The following TRMT11 variants were observed in gnomAD, a reference collection of about 807,000 sequenced individuals.
The protein encoded by TRMT11 is tRNA methyltransferase 11.
A neutral mutation model predicts 62.8 loss-of-function variants in TRMT11; 53 were observed. That is an observed-to-expected ratio of 0.84 (90% CI 0.68 to 1.06). The LOEUF (loss-of-function observed/expected upper bound fraction) is 1.06. TRMT11 is among the 50% of genes least tolerant of loss of function. The pLI is 0.00. For synonymous variants in TRMT11, 188 were observed against 190.3 expected, an observed-to-expected ratio of 0.99 and a Z score of 0.10; for missense variants, 556 against 553.4, an observed-to-expected ratio of 1.00 and a Z score of -0.05.
chr6:126,128,532 C>G (rs909751762), intron 21 of TRMT11, among the ~76,000 whole-genome samples: 12 of 152,064 alleles, frequency 7.9e-5, no homozygotes, highest in African/African-American at 2.9e-4. Flanking sequence ...TGTCCTTGGA[C>G]CACTTACTGT....
At chr6:126,110,262 T>G (rs771698848) in intron 17 of TRMT11, among the ~76,000 whole-genome samples, 17 of 152,140 alleles carry the variant, frequency 1.1e-4, no homozygotes, top group Non-Finnish European at 2.2e-4. Flanking sequence ...ATACATCACT[T>G]GGGCAGTGCT....
chr6:126,236,403 A>C, the TRMT11 span, among the ~76,000 whole-genome samples: 1 of 152,188 alleles, frequency 6.6e-6, no homozygotes, highest in Non-Finnish European at 1.5e-5. Context: ...ATCCTTTATG[A>C]AGTAAGAAAT....
At chr6:126,004,681 T>TA (rs1485034460) in intron 7 of TRMT11, among the ~76,000 whole-genome samples, 2 of 151,846 alleles carry the variant, frequency 1.3e-5, no homozygotes, top group East Asian at 1.9e-4. Context: ...AATAGTTTTT[T>TA]AAAAAAAATT....
chr6:126,131,146 A>C (rs1319015355), intron 21 of TRMT11, among the ~76,000 whole-genome samples: 1 of 152,116 alleles, frequency 6.6e-6, no homozygotes, highest in Non-Finnish European at 1.5e-5. Context: ...ACTTTAAAAA[A>C]ATCTACCACA....
intron 21 of TRMT11, among the ~76,000 whole-genome samples, chr6:126,139,610 C>T (rs1034968825): frequency 4.6e-5 from 7 of 152,192 alleles, no homozygotes; most frequent in African/African-American, 1.4e-4. Flanking sequence ...CTCAAATGAT[C>T]CACCCACCTC....
chr6:126,009,896 G>T (rs1793928121), intron 8 of TRMT11, among the ~76,000 whole-genome samples: 1 of 151,928 alleles, frequency 6.6e-6, no homozygotes, highest in African/African-American at 2.4e-5. Context: ...GTCTACTGGG[G>T]TAGAATTCTG....
intron 17 of TRMT11, among the ~76,000 whole-genome samples, chr6:126,069,100 C>T (rs1369894450): frequency 6.6e-6 from 1 of 152,228 alleles, no homozygotes; most frequent in Non-Finnish European, 1.5e-5. Context: ...CCAAACAATA[C>T]CAAGTCACAG....
chr6:126,097,279 T>G, intron 17 of TRMT11, among the ~76,000 whole-genome samples: 1 of 152,188 alleles, frequency 6.6e-6, no homozygotes, highest in East Asian at 1.9e-4. Flanking sequence ...ACTCTGTTTA[T>G]CAGCATTGTT....
intron 3 of TRMT11, 22 bp downstream of exon 3, chr6:125,996,062 C>T: frequency 6.6e-7 from 1 of 1,509,880 alleles, no homozygotes; most frequent in East Asian, 2.3e-5. Flanking sequence ...TTATGTTCTC[C>T]TGCATGAATA....
intron 17 of TRMT11, among the ~76,000 whole-genome samples, chr6:126,058,212 T>G (rs1267629317): frequency 6.6e-5 from 10 of 152,200 alleles, no homozygotes; most frequent in Non-Finnish European, 2.9e-5. Context: ...GGTGTTTGGT[T>G]TTCTGTTCCT....
intron 1 of TRMT11, among the ~76,000 whole-genome samples, chr6:126,182,252 G>A (rs578042717): frequency 1.3e-5 from 2 of 152,148 alleles, no homozygotes; most frequent in Non-Finnish European, 2.9e-5. Context: ...GAAGGAAGAG[G>A]TGCTCTTTAG....
intron 1 of TRMT11, among the ~76,000 whole-genome samples, chr6:125,990,176 G>A (rs1242891725): frequency 5.9e-5 from 9 of 151,944 alleles, no homozygotes; most frequent in African/African-American, 2.2e-4. Context: ...TTTTTGTTCT[G>A]TTTCATATAG....
intron 17 of TRMT11, among the ~76,000 whole-genome samples, chr6:126,068,725 G>C (rs1776759975): frequency 6.6e-6 from 1 of 152,154 alleles, no homozygotes; most frequent in African/African-American, 2.4e-5. Flanking sequence ...GAGCGTATCG[G>C]CTATTCTTAA....
the TRMT11 span, among the ~76,000 whole-genome samples, chr6:126,256,222 T>C: frequency 6.6e-6 from 1 of 152,196 alleles, no homozygotes. Flanking sequence ...ATCCAATAGG[T>C]CAGAGTCAAA....
intron 21 of TRMT11, among the ~76,000 whole-genome samples, chr6:126,131,094 T>C (rs1389654490): frequency 1.3e-5 from 2 of 152,096 alleles, no homozygotes; most frequent in African/African-American, 4.8e-5. Context: ...ACAAACACAT[T>C]TCTGAAAACT....
At chr6:126,213,544 A>G in the TRMT11 span, among the ~76,000 whole-genome samples, 1 of 151,956 alleles carries the variant, frequency 6.6e-6, no homozygotes, top group Non-Finnish European at 1.5e-5. Context: ...TATTTTTCAG[A>G]TTGTTTGCTG....
intron 21 of TRMT11, among the ~76,000 whole-genome samples, chr6:126,170,556 A>AT (rs200914290): frequency 1.3e-4 from 20 of 150,558 alleles, no homozygotes; most frequent in Non-Finnish European, 2.2e-4. Flanking sequence ...TCTGGGTCTC[A>AT]TTTTTTTTTA....
the TRMT11 span, among the ~76,000 whole-genome samples, chr6:126,233,196 AG>A: frequency 5.3e-5 from 8 of 152,194 alleles, no homozygotes; most frequent in East Asian, 1.5e-3. Flanking sequence ...TCACTATAAA[AG>A]GCAATTCTAT....
Position 126,011,246 on chromosome 6 carries a change from C to G in TRMT11, c.761-7C>G. On this transcript the variant is annotated splice_polypyrimidine_tract_variant and splice_region_variant and intron_variant, in intron 8 of 12. Coordinates refer to ENST00000334379, the MANE Select transcript of TRMT11 (RefSeq NM_001031712.3). The stretch of plus-strand genomic sequence containing the variant: ...TACTTTCTCTCTTCCTTTTTCTTTC[C>G]CTTCAGGAAAGGCTACTAGGAAAAA... 2 of 1,598,002 alleles carry G rather than the reference C, an allele frequency of 1.3e-6. No homozygotes were observed. Among genetic ancestry groups the G allele is most frequent in the East Asian group, 4.5e-5 (2 of 44,626 alleles).
Sources: gnomAD v4.1 joint callset for allele counts (sites outside exome capture counted in the v4.1 genomes callset) on GRCh38, gnomAD v4.1.1 for gene constraint, MANE v1.5 for transcripts, NCBI Gene and HGNC (gene_info 2026-07-23, HGNC 2026-07-21) for gene names.